NAPB: variants seen among roughly 807,000 people sequenced by gnomAD.
NAPB encodes beta-soluble NSF attachment protein.
A neutral mutation model predicts 44.7 loss-of-function variants in NAPB; 26 were observed. The observed-to-expected ratio is 0.58, with a 90% CI of 0.43 to 0.81. NAPB has a LOEUF of 0.81. Among genes scored for constraint, NAPB ranks in the 30% least tolerant of loss-of-function variants. NAPB has a pLI of 0.00. For synonymous variants in NAPB, 120 were observed against 116.8 expected (o/e 1.03, Z -0.18); for missense variants, 315 against 356.4 (o/e 0.88, Z 0.94).
At chr20:23,398,683 A>G (rs1276894821) in intron 2 of NAPB, among the ~76,000 whole-genome samples, 1 of 151,788 alleles carries the variant, frequency 6.6e-6, no homozygotes, top group Non-Finnish European at 1.5e-5. Flanking sequence ...TCTCTACTAA[A>G]AATACAAAAA....
chr20:23,398,808 C>T (rs1408000979), intron 2 of NAPB, among the ~76,000 whole-genome samples: 4 of 150,310 alleles, frequency 2.7e-5, no homozygotes, highest in Admixed American at 2.6e-4. Context: ...TGTGTCACTG[C>T]ACTCCAGCCT....
chr20:23,416,759 A>G lies in NAPB; in HGVS notation c.98+4546T>C, dbSNP rs562871579. The stretch of plus-strand genomic sequence containing the variant: ...CAATCTGCATTTGAACAAGAATTGT[A>G]ACTGAGGAAAACCTAAATGCTTCAC... On this transcript the variant is annotated intron_variant, in intron 1 of 10. Transcript: ENST00000377026. Among the ~76,000 whole-genome samples, 8 of 152,310 alleles carry G rather than the reference A, an allele frequency of 5.3e-5. No individual in the cohort carries two copies. In the South Asian group the frequency reaches 1.5e-3, roughly 28 times the overall value.
chr20:23,397,486 C>A (rs1279158912), intron 2 of NAPB, among the ~76,000 whole-genome samples: 1 of 152,238 alleles, frequency 6.6e-6, no homozygotes, highest in Non-Finnish European at 1.5e-5. Flanking sequence ...TCTTGGGCTA[C>A]TCAATTCAAT....
chr20:23,397,850 G>A (rs1370416037), intron 2 of NAPB, among the ~76,000 whole-genome samples: 1 of 152,072 alleles, frequency 6.6e-6, no homozygotes, highest in Non-Finnish European at 1.5e-5. Context: ...CTGGTTGTGG[G>A]GTACCACCCA....
intron 10 of NAPB, among the ~76,000 whole-genome samples, chr20:23,377,692 C>T (rs910075700): frequency 1.3e-5 from 2 of 152,082 alleles, no homozygotes; most frequent in Non-Finnish European, 2.9e-5. Context: ...ATACTAGTGA[C>T]AAGTTCCTGG....
At chr20:23,384,580 C>T (rs769764055) in intron 7 of NAPB, among the ~76,000 whole-genome samples, 3 of 151,398 alleles carry the variant, frequency 2.0e-5, no homozygotes, top group Non-Finnish European at 4.4e-5. Flanking sequence ...CAGGGTCGCA[C>T]CATTTCCCTC....
chr20:23,376,348 A>AACTT lies in NAPB; in HGVS notation c.*1027_*1028insAAGT, dbSNP rs1174190304. 1 of 152,176 alleles carries AACTT rather than the reference A, an allele frequency of 6.6e-6. No homozygotes were observed. Among genetic ancestry groups the AACTT allele is most frequent in the Non-Finnish European group, 1.5e-5 (1 of 68,044 alleles). The allele number at this position is 152,176 out of a possible 1,614,324, so 9.4% of individuals were successfully genotyped here. A position where few individuals can be genotyped will look rare whatever the true frequency, so the allele number is the denominator to read the frequency against. On this transcript the variant is annotated 3_prime_UTR_variant, in exon 11 of 11. Coordinates refer to ENST00000377026, the MANE Select transcript of NAPB (RefSeq NM_022080.3). Reference sequence around the variant, plus strand: ...AGAACAATCAAGTCCCCTGAGAAACAAGTTGGGGTTCTTGCCCACTTGGGC... The same window carrying AACTT: ...AGAACAATCAAGTCCCCTGAGAAACAACTTAGTTGGGGTTCTTGCCCACTTGGGC...
In NAPB at chr20:23,421,396, T is replaced by A; in HGVS notation, c.7A>T (p.Asn3Tyr). ...ACTGCCTCACGCTCCTTCCCCGCGT[T>A]GTCCATGTCGCCCGCCGCGGCCGCC... Reference protein sequence around the residue: MDNAGKEREAVQL... With the variant: MDYAGKEREAVQL... Residue 3 changes from asparagine (N) to tyrosine (Y), a missense_variant, in exon 1 of 11, where the codon AAC (asparagine) becomes TAC (tyrosine). By Grantham distance (143) the Asn-to-Tyr change is moderately radical. Around this residue, in one of 3 missense-constraint regions of NAPB, gnomAD observed 179 missense variants for 182.5 expected, o/e 0.98. Coordinates refer to ENST00000377026, the MANE Select transcript of NAPB (RefSeq NM_022080.3). 1 of 1,545,484 alleles carries A rather than the reference T, an allele frequency of 6.5e-7. No homozygotes were observed. The highest frequency in any genetic ancestry group is 1.2e-5 in the South Asian group (1 of 83,758).
chr20:23,406,247 C>G (rs6036402), intron 1 of NAPB, among the ~76,000 whole-genome samples: 1 of 152,022 alleles, frequency 6.6e-6, no homozygotes, highest in Non-Finnish European at 1.5e-5. Flanking sequence ...GTTACAGCAG[C>G]GCAAAGCAGG....
At chr20:23,410,666 T>G (rs571837508) in intron 1 of NAPB, among the ~76,000 whole-genome samples, 1 of 151,986 alleles carries the variant, frequency 6.6e-6, no homozygotes, top group South Asian at 2.1e-4. Flanking sequence ...CCTGCATATG[T>G]ACCCCCTGAC....
chr20:23,382,788 A>G (rs1983122696), intron 7 of NAPB, among the ~76,000 whole-genome samples: 1 of 152,200 alleles, frequency 6.6e-6, no homozygotes, highest in African/African-American at 2.4e-5. Flanking sequence ...AAAGGAACAG[A>G]GCATCAAGGA....
At chr20:23,399,236 C>T (rs1984639842) in intron 2 of NAPB, among the ~76,000 whole-genome samples, 2 of 152,128 alleles carry the variant, frequency 1.3e-5, no homozygotes, top group South Asian at 4.1e-4. Context: ...ATCTGAATGG[C>T]AGTATCCCCC....
rs1490700149 is a variant in NAPB at position 23,381,247 on chromosome 20, AG to A, written c.631del (p.Leu211SerfsTer5). The A allele has an allele frequency of 6.2e-7, 1 of 1,613,540 alleles. No homozygotes were observed. Among genetic ancestry groups the A allele is most frequent in the Non-Finnish European group, 8.5e-7 (1 of 1,179,792 alleles). The stretch of plus-strand genomic sequence containing the variant: ...CAACTCGTCTACTATGAAGTGGCAG[AG>A]GGCAGCTTTGAAGAAGTAATCCTTT... ...SAKDYFFKAA[L>X]CHFIVDELNA... On this transcript the variant is annotated frameshift_variant, in exon 8 of 11. Coordinates refer to ENST00000377026, the MANE Select transcript of NAPB (RefSeq NM_022080.3). LOFTEE classifies it high-confidence loss of function.
intron 1 of NAPB, among the ~76,000 whole-genome samples, chr20:23,420,982 G>T (rs1454402895): frequency 6.6e-6 from 1 of 151,196 alleles, no homozygotes; most frequent in Non-Finnish European, 1.5e-5. Context: ...ACCCTGGGGA[G>T]TTCTGCCGGC....
Position 23,390,269 on chromosome 20 carries a change from A to C in NAPB, c.421-5T>G. 1 of 1,605,514 alleles carries C rather than the reference A, an allele frequency of 6.2e-7. No homozygotes were observed. The highest frequency in any genetic ancestry group is 8.5e-7 in the Non-Finnish European group (1 of 1,172,358). On this transcript the variant is annotated splice_polypyrimidine_tract_variant and splice_region_variant and intron_variant, in intron 5 of 10. Transcript: ENST00000377026. ...TTGTTCATAATGTGCAATAGCCTGA[A>C]AACATACATATTTTATTCACACACA...
chr20:23,420,812 C>CA (rs1182204326), intron 1 of NAPB, among the ~76,000 whole-genome samples: 1 of 66,226 alleles, frequency 1.5e-5, no homozygotes, highest in African/African-American at 3.8e-5. Flanking sequence ...GCTGACAGCC[C>CA]CCCCCCCAGA....
chr20:23,395,078 T>G, intron 4 of NAPB, 61 bp downstream of exon 4: 1 of 1,612,406 alleles, frequency 6.2e-7, no homozygotes. Flanking sequence ...AAAAGAAAGA[T>G]AGAACTCTAA....
chr20:23,383,666 C>CA (rs1197611328), intron 7 of NAPB, among the ~76,000 whole-genome samples: 1 of 152,168 alleles, frequency 6.6e-6, no homozygotes, highest in Non-Finnish European at 1.5e-5. Flanking sequence ...AATTTGTTGT[C>CA]AGCAGACCTA....
chr20:23,414,803 G>GT (rs1479527866), intron 1 of NAPB, among the ~76,000 whole-genome samples: 2 of 152,156 alleles, frequency 1.3e-5, no homozygotes, highest in African/African-American at 4.8e-5. Flanking sequence ...TATGAAGTCT[G>GT]TAACTAGGGT....
Sources: gnomAD v4.1 joint callset for allele counts (sites outside exome capture counted in the v4.1 genomes callset) on GRCh38, gnomAD v4.1.1 for gene constraint, gnomAD v4.1.1 regional missense constraint, MANE v1.5 for transcripts, NCBI Gene and HGNC (gene_info 2026-07-23, HGNC 2026-07-21) for gene names.